ERH: variants seen among roughly 807,000 people sequenced by gnomAD.
The protein encoded by ERH is enhancer of rudimentary homolog.
ERH carries 1 observed loss-of-function variant against 16.8 expected under a neutral mutation model. The ratio of observed to expected loss-of-function variants is 0.06; its 90% confidence interval spans 0.02 to 0.28. The LOEUF (loss-of-function observed/expected upper bound fraction) is 0.28, where lower values mean the gene tolerates loss of function less well. Ranked by LOEUF, ERH falls within the 10% of genes least tolerant of loss-of-function variation. The probability of loss-of-function intolerance (pLI) is 1.00; values close to 1 mark genes in which losing one functional copy is unlikely to be tolerated. For synonymous variants in ERH, 43 were observed against 43.6 expected, an observed-to-expected ratio of 0.99 and a Z score of 0.05; for missense variants, 42 against 127.5, an observed-to-expected ratio of 0.33 and a Z score of 3.23.
At chr14:69,396,019 T>C (rs913431972) in intron 1 of ERH, among the ~76,000 whole-genome samples, 1 of 152,218 alleles carries the variant, frequency 6.6e-6, no homozygotes, top group African/African-American at 2.4e-5. Flanking sequence ...TTGTTACAAA[T>C]GTCCCTTGGG....
chr14:69,389,535 A>C (rs1035825794), intron 2 of ERH, among the ~76,000 whole-genome samples: 1 of 152,224 alleles, frequency 6.6e-6, no homozygotes, highest in Non-Finnish European at 1.5e-5. Context: ...TACAGATATA[A>C]AATCCTAAGG....
At chr14:69,382,789 C>CAAAA (rs1278831093) in intron 3 of ERH, among the ~76,000 whole-genome samples, 23 of 103,162 alleles carry the variant, frequency 2.2e-4, no homozygotes, top group African/African-American at 8.5e-4. Flanking sequence ...ACTCTATCTC[C>CAAAA]AAAAGAAAAA....
At chr14:69,391,005 A>G (rs2045921157) in intron 2 of ERH, among the ~76,000 whole-genome samples, 1 of 152,256 alleles carries the variant, frequency 6.6e-6, no homozygotes, top group East Asian at 1.9e-4. Flanking sequence ...AGGATGTGGA[A>G]CAGAAACTCA....
At chr14:69,380,764 A>G (rs1373700404) in intron 3 of ERH, 124 bp from the exon 4 acceptor site, 4 of 594,582 alleles carry the variant, frequency 6.7e-6, no homozygotes, top group Non-Finnish European at 1.2e-5. Flanking sequence ...AACTTAATGA[A>G]AAGCTGAAAG....
At chr14:69,393,567 C>G (rs1414783700) in intron 2 of ERH, among the ~76,000 whole-genome samples, 1 of 152,170 alleles carries the variant, frequency 6.6e-6, no homozygotes, top group African/African-American at 2.4e-5. Context: ...CTCAGAAAGT[C>G]AAACATTTAA....
intron 3 of ERH, 197 bp downstream of exon 3, chr14:69,386,764 CAA>C: frequency 2.2e-6 from 1 of 459,206 alleles, no homozygotes; most frequent in East Asian, 3.3e-5. Context: ...TATCAATTAG[CAA>C]AGTTATTTTT....
chr14:69,397,572 T>C (rs1165948335), intron 1 of ERH, among the ~76,000 whole-genome samples: 2 of 136,056 alleles, frequency 1.5e-5, no homozygotes, highest in Admixed American at 6.9e-5. Context: ...CGAGAATAGT[T>C]AGACAACCCT....
intron 3 of ERH, among the ~76,000 whole-genome samples, chr14:69,383,247 T>C (rs555353307): frequency 6.6e-6 from 1 of 152,376 alleles, no homozygotes; most frequent in African/African-American, 2.4e-5. Flanking sequence ...TTATTATTAA[T>C]GCATGGTCAG....
chr14:69,390,711 A>G (rs886748525), intron 2 of ERH, among the ~76,000 whole-genome samples: 1 of 152,246 alleles, frequency 6.6e-6, no homozygotes, highest in African/African-American at 2.4e-5. Flanking sequence ...TCCAAAAGAC[A>G]CTATTAAGAA....
At chr14:69,384,066 G>A (rs2045878727) in intron 3 of ERH, among the ~76,000 whole-genome samples, 1 of 152,026 alleles carries the variant, frequency 6.6e-6, no homozygotes, top group Admixed American at 6.6e-5. Context: ...TCATTAACAT[G>A]TCACTTGTAA....
chr14:69,386,549 C>T (rs2045894551), intron 3 of ERH: 1 of 153,834 alleles, frequency 6.5e-6, no homozygotes, highest in African/African-American at 2.4e-5. Flanking sequence ...AATATACGTA[C>T]TTACACAGCG....
At chr14:69,390,569 C>T (rs1162503114) in intron 2 of ERH, among the ~76,000 whole-genome samples, 1 of 152,124 alleles carries the variant, frequency 6.6e-6, no homozygotes, top group Non-Finnish European at 1.5e-5. Context: ...GGAGCCCAAA[C>T]TATAAGACCC....
intron 2 of ERH, 56 bp from the exon 3 acceptor site, chr14:69,387,139 T>C: frequency 2.0e-6 from 3 of 1,481,618 alleles, no homozygotes; most frequent in East Asian, 2.3e-5. Flanking sequence ...CTTCTAGATA[T>C]GAGCAGTGCT....
chr14:69,394,739 G>T, intron 2 of ERH, 86 bp downstream of exon 2: 1 of 797,892 alleles, frequency 1.3e-6, no homozygotes, highest in South Asian at 1.6e-5. Flanking sequence ...GGGGTGGATG[G>T]ACTATTAAAA....
rs763456712 is a variant in ERH, at chr14:69,398,222, C to T, written c.3+9G>A. 2.1e-5 allele frequency: 34 copies of T among 1,613,972 alleles called. No individual in the cohort carries two copies. In the South Asian group the frequency reaches 2.5e-4, roughly 12 times the overall value. ...CTCGGACTCGGGTAGCCGCGGAGGC[C>T]TTTCTCACCATCGCGCCAAACTCTC... On this transcript the variant is annotated intron_variant, in intron 1 of 3. Transcript: ENST00000557016.
At chr14:69,382,230 A>C (rs942901429) in intron 3 of ERH, among the ~76,000 whole-genome samples, 1 of 152,150 alleles carries the variant, frequency 6.6e-6, no homozygotes, top group Non-Finnish European at 1.5e-5. Flanking sequence ...TGGTTTATTA[A>C]AAATGTACAA....
intron 2 of ERH, among the ~76,000 whole-genome samples, chr14:69,389,823 G>A (rs1362736033): frequency 1.3e-5 from 2 of 152,100 alleles, no homozygotes; most frequent in Non-Finnish European, 2.9e-5. Context: ...CCAGGCTGGA[G>A]TGCAGTGGCC....
intron 2 of ERH, among the ~76,000 whole-genome samples, chr14:69,392,162 G>C (rs552895544): frequency 3.4e-5 from 5 of 147,548 alleles, no homozygotes; most frequent in African/African-American, 9.9e-5. Flanking sequence ...TAAAAAAAAG[G>C]GGGGAGGAAA....
chr14:69,387,758 G>C (rs1040111132), intron 2 of ERH, among the ~76,000 whole-genome samples: 1 of 148,196 alleles, frequency 6.7e-6, no homozygotes, highest in Non-Finnish European at 1.5e-5. Context: ...TAAGATCCTA[G>C]ACTAGGCCGG....
Sources: allele counts gnomAD v4.1 joint callset (sites outside exome capture counted in the v4.1 genomes callset), GRCh38; gene constraint gnomAD v4.1.1; transcripts MANE v1.5; gene names NCBI Gene and HGNC (gene_info 2026-07-23, HGNC 2026-07-21).